The following TRPV6 variants were observed in gnomAD, a reference collection of about 807,000 sequenced individuals.
The protein encoded by TRPV6 is transient receptor potential cation channel subfamily V member 6, also known as Alu-binding protein with zinc finger domain.
Under a neutral mutation model 79.0 loss-of-function variants are expected in TRPV6, and 39 were observed. The observed-to-expected ratio is 0.49, with a 90% CI of 0.38 to 0.64. TRPV6 has a LOEUF of 0.64. Ranked by LOEUF, TRPV6 falls within the 30% of genes least tolerant of loss-of-function variation. TRPV6 has a pLI of 0.00. For missense variants in TRPV6, 813 were observed against 1,011.1 expected (o/e 0.80, Z 2.66); for synonymous variants, 373 against 391.9 (o/e 0.95, Z 0.57).
rs1014837601 is a variant in TRPV6 at position 142,873,442 on chromosome 7, G to A, written c.1908+6C>T. 1 of 1,612,676 alleles carries A rather than the reference G, an allele frequency of 6.2e-7. No homozygotes were observed. Among genetic ancestry groups the A allele is most frequent in the Non-Finnish European group, 8.5e-7 (1 of 1,179,018 alleles). The stretch of plus-strand genomic sequence containing the variant: ...CCCTAACCCTCCCTGCCACCAGGGG[G>A]CTCACCTGGGCCCTCCACAGCTCAT... On this transcript the variant is annotated splice_donor_region_variant and intron_variant, in intron 13 of 14. Transcript: ENST00000359396. This position sits in a 1 kb window ranked among gnomAD's most constrained non-coding sequence, Gnocchi z 4.8.
chr7:142,879,483 A>G lies in TRPV6; in HGVS notation c.249-1457T>C, dbSNP rs551526122. 3.9e-4 allele frequency: 60 copies of G among 152,314 alleles called. 1 individual carries two copies. The highest frequency in any genetic ancestry group is 3.0e-3 in the Admixed American group (46 of 15,308). The allele number at this position is 152,314 out of a possible 1,614,324, so 9.4% of individuals were successfully genotyped here. Reference sequence around the variant, plus strand: ...CTATGGGAGTAAATGAAATAACTCTATTTATCCATAGTTTGACAATTATGT... The same window carrying G: ...CTATGGGAGTAAATGAAATAACTCTGTTTATCCATAGTTTGACAATTATGT... On this transcript the variant is annotated intron_variant, in intron 1 of 14. Transcript: ENST00000359396.
At chr7:142,878,590 C>T (rs1795130746) in intron 1 of TRPV6, 1 of 157,032 alleles carries the variant, frequency 6.4e-6, no homozygotes, top group African/African-American at 2.4e-5. Flanking sequence ...TGGCGCTTCC[C>T]TCCCAACAAT....
rs895852378 is a variant in TRPV6, at chr7:142,872,274, G to A, written c.2015+98C>T. 4 of 1,284,010 alleles carry A rather than the reference G, an allele frequency of 3.1e-6. No homozygotes were observed. In the Admixed American group the frequency reaches 5.9e-5, roughly 19 times the overall value. The allele number at this position is 1,284,010 out of a possible 1,614,324, so 79.5% of individuals were successfully genotyped here. ...AGCATAGAGCCTAGGGAGCACACAG[G>A]CCTCCACAGGGAACCCAGGAGCCGG... On this transcript the variant is annotated intron_variant, in intron 14 of 14. Coordinates refer to ENST00000359396, the MANE Select transcript of TRPV6 (RefSeq NM_018646.6).
At position 142,874,178 on chromosome 7, in the gene TRPV6, A is replaced by G. The variant is rs748779987; in HGVS notation, c.1573-36T>C. On this transcript the variant is annotated intron_variant, in intron 11 of 14. Coordinates refer to ENST00000359396, the MANE Select transcript of TRPV6 (RefSeq NM_018646.6). ...CAGGAGGCAGAGAACATCTGCACAC[A>G]TTCCCCAAGCAATTGCCCCATCCAG... 9.4e-6 allele frequency: 15 copies of G among 1,604,136 alleles called. No individual in the cohort carries two copies. The Admixed American group carries it at 1.4e-4, about 14-fold the overall frequency.
intron 14 of TRPV6, 68 bp from the exon 15 acceptor site, chr7:142,872,057 C>T: frequency 2.0e-6 from 3 of 1,517,144 alleles, no homozygotes; most frequent in Admixed American, 4.2e-5. Context: ...GGATGCTTGT[C>T]TGTTATCCCC....
chr7:142,885,207 C>G, intron 1 of TRPV6, 182 bp downstream of exon 1: 2 of 611,332 alleles, frequency 3.3e-6, no homozygotes, highest in Non-Finnish European at 5.4e-6. Flanking sequence ...ACCCCATCCT[C>G]TTTCACCAGC....
rs192616130 is a variant in TRPV6, at chr7:142,880,637, G to A, written c.249-2611C>T. 3.3e-5 allele frequency: 5 copies of A among 152,190 alleles called. No homozygotes were observed. The East Asian group carries it at 5.8e-4, about 18-fold the overall frequency. The allele number at this position is 152,190 out of a possible 1,614,324, so 9.4% of individuals were successfully genotyped here. ...AAAGATTCCCCTTTGGTCCCTACACGTCTCTGAAGCTGAAAGTGTCCCCCA... is the reference window on the plus strand; with the variant it reads ...AAAGATTCCCCTTTGGTCCCTACACATCTCTGAAGCTGAAAGTGTCCCCCA... On this transcript the variant is annotated intron_variant, in intron 1 of 14. Transcript: ENST00000359396.
intron 14 of TRPV6, 144 bp from the exon 15 acceptor site, chr7:142,872,133 C>T (rs1794949053): frequency 8.0e-7 from 1 of 1,250,524 alleles, no homozygotes; most frequent in Admixed American, 2.8e-5. Context: ...ATGCCTGGGT[C>T]ACTGGCCCCT....
intron 1 of TRPV6, chr7:142,878,672 C>T (rs974576799): frequency 5.0e-5 from 6 of 119,312 alleles, no homozygotes; most frequent in African/African-American, 8.4e-5. Flanking sequence ...CTTCCTTCCT[C>T]ATAGGTGTTC....
At chr7:142,885,328 G>T in intron 1 of TRPV6, 61 bp downstream of exon 1, 2 of 1,528,224 alleles carry the variant, frequency 1.3e-6, no homozygotes, top group East Asian at 2.3e-5. Flanking sequence ...TGAGGGAGGG[G>T]TGAGGGGTAG....
intron 14 of TRPV6, 106 bp downstream of exon 14, chr7:142,872,266 G>T: frequency 1.7e-6 from 2 of 1,208,076 alleles, no homozygotes; most frequent in Non-Finnish European, 2.4e-6. Context: ...AGCCTAGGGA[G>T]CACACAGGCC....
intron 1 of TRPV6, chr7:142,883,952 C>G (rs569427675): frequency 2.0e-5 from 3 of 152,508 alleles, no homozygotes. Flanking sequence ...ACAGGACATG[C>G]GGAAGCAGCC....
At position 142,877,720 on chromosome 7, in the gene TRPV6, C is replaced by A. The variant is rs370823119; in HGVS notation, c.400G>T (p.Ala134Ser). The A allele has an allele frequency of 2.5e-6, 4 of 1,614,104 alleles. No homozygotes were observed. The African/African-American group carries it at 5.3e-5, about 22-fold the overall frequency. Reference sequence around the variant, plus strand: ...GCAGCCTCCATCAGCACCATGGCGGCCTCCAGGTTGTCATAGAGGGCTGCT... The same window carrying A: ...GCAGCCTCCATCAGCACCATGGCGGACTCCAGGTTGTCATAGAGGGCTGCT... Residue 134 changes from alanine (A) to serine (S), a missense_variant, in exon 3 of 15, where the codon GCC becomes TCC. By Grantham distance (99) the Ala-to-Ser change is moderately conservative. Coordinates refer to ENST00000359396, the MANE Select transcript of TRPV6 (RefSeq NM_018646.6).
intron 8 of TRPV6, 141 bp downstream of exon 8, chr7:142,875,327 T>C: frequency 4.1e-6 from 5 of 1,224,398 alleles, no homozygotes; most frequent in Non-Finnish European, 4.6e-6. Flanking sequence ...TGTGTTTTTG[T>C]GGGCGTGCAT....
At chr7:142,872,643 A>C (rs570738512) in intron 13 of TRPV6, among the ~76,000 whole-genome samples, 165 bp from the exon 14 acceptor site, 3 of 152,298 alleles carry the variant, frequency 2.0e-5, no homozygotes, top group African/African-American at 7.2e-5. Flanking sequence ...GCCAGGCCAG[A>C]GGCAGGAGAA....
chr7:142,872,335 G>C (rs781776407), intron 14 of TRPV6, 37 bp downstream of exon 14: 14 of 1,605,232 alleles, frequency 8.7e-6, no homozygotes, highest in Non-Finnish European at 1.1e-5. Context: ...TGCCGATGAG[G>C]CTTCTCAGGG....
Position 142,875,629 on chromosome 7 carries a change from A to C in TRPV6, c.1081T>G (p.Trp361Gly), listed in dbSNP as rs1486016313. Residue 361 changes from tryptophan (W) to glycine (G), a missense_variant, in exon 8 of 15, where the codon TGG (tryptophan) becomes GGG (glycine). Trp to Gly is a radical substitution (Grantham distance 184, BLOSUM62 -2). Coordinates refer to ENST00000359396, the MANE Select transcript of TRPV6 (RefSeq NM_018646.6). Reference sequence around the variant, plus strand: ...AAGTACGGCCGCCCGTACCGCTTCCACTTGAGGCTCACCAGCTCCTTCACC... The same window carrying C: ...AAGTACGGCCGCCCGTACCGCTTCCCCTTGAGGCTCACCAGCTCCTTCACC... 1 of 1,613,716 alleles carries C rather than the reference A, an allele frequency of 6.2e-7. No individual in the cohort carries two copies.
chr7:142,875,051 C>A, intron 9 of TRPV6, 27 bp downstream of exon 9: 1 of 1,614,134 alleles, frequency 6.2e-7, no homozygotes, highest in East Asian at 2.2e-5. Context: ...GGCAGACAGC[C>A]TCACCCAGAG....
rs779037714 is a variant in TRPV6, at chr7:142,885,441, G to A, written c.196C>T (p.Arg66Trp). ...TCTCGGCTCTGGGCCCAGGACTCCC[G>A]TCTCTGGAACCATCTGCAGAACTTG... Residue 66 changes from arginine (R) to tryptophan (W), a missense_variant, in exon 1 of 15, where the codon CGG becomes TGG. Arg to Trp is a moderately radical substitution (Grantham distance 101). This residue lies in a region of TRPV6 where 555 missense variants were observed against 631.0 expected (regional missense o/e 0.88). Coordinates refer to ENST00000359396, the MANE Select transcript of TRPV6 (RefSeq NM_018646.6). 2.4e-5 allele frequency: 38 copies of A among 1,613,832 alleles called. No homozygotes were observed. The highest frequency in any genetic ancestry group is 8.9e-5 in the East Asian group (4 of 44,864).
Sources: gnomAD v4.1 joint callset for allele counts (sites outside exome capture counted in the v4.1 genomes callset) on GRCh38, gnomAD v4.1.1 for gene constraint, gnomAD v4.1.1 regional missense constraint, Gnocchi (gnomAD v3.1) non-coding constraint, MANE v1.5 for transcripts, NCBI Gene and HGNC (gene_info 2026-07-23, HGNC 2026-07-21) for gene names.